CTNNA1: variants seen among roughly 807,000 people sequenced by gnomAD.
The protein encoded by CTNNA1 is catenin alpha 1, also known as catenin alpha-1.
CTNNA1 carries 37 observed loss-of-function variants against 98.4 expected under a neutral mutation model. The observed-to-expected ratio is 0.38, with a 90% CI of 0.29 to 0.49. The LOEUF (loss-of-function observed/expected upper bound fraction) is 0.49. CTNNA1 is among the 20% of genes least tolerant of loss of function. The probability of loss-of-function intolerance (pLI) is 0.95; values close to 1 mark genes in which losing one functional copy is unlikely to be tolerated. For synonymous variants in CTNNA1, 404 were observed against 413.2 expected, an observed-to-expected ratio of 0.98 and a Z score of 0.27; for missense variants, 761 against 1,147.2, an observed-to-expected ratio of 0.66 and a Z score of 4.86.
At chr5:138,787,558 A>C (rs1197879550) in intron 3 of CTNNA1, among the ~76,000 whole-genome samples, 1 of 152,246 alleles carries the variant, frequency 6.6e-6, no homozygotes, top group Admixed American at 6.5e-5. Context: ...TACAGGCTAT[A>C]GTTTGCTAAC....
intron 7 of CTNNA1, among the ~76,000 whole-genome samples, chr5:138,858,622 G>T (rs1264548461): frequency 2.0e-5 from 2 of 97,798 alleles, no homozygotes; most frequent in South Asian, 6.2e-4. Flanking sequence ...TTGAGACAGA[G>T]TCTTATTCTG....
At chr5:138,900,424 C>T (rs1757789743) in intron 9 of CTNNA1, among the ~76,000 whole-genome samples, 1 of 152,122 alleles carries the variant, frequency 6.6e-6, no homozygotes. Context: ...AAAAAGAAAT[C>T]TTATCTTGTC....
intron 7 of CTNNA1, among the ~76,000 whole-genome samples, chr5:138,857,840 A>G (rs1482187386): frequency 6.6e-6 from 1 of 152,244 alleles, no homozygotes; most frequent in Non-Finnish European, 1.5e-5. Flanking sequence ...GTTGAAATTA[A>G]TAGTATATTA....
rs977618881 is a variant in CTNNA1, at chr5:138,812,587, T to G, written c.588+285T>G. 2.0e-5 allele frequency among the ~76,000 whole-genome samples: 3 copies of G among 152,338 alleles called. No individual in the cohort carries two copies. The East Asian group carries it at 5.8e-4, about 29-fold the overall frequency. ...TGGAGAGGTAATAGGTCTTTGTGTA[T>G]TTAAGGATTAACCTGAATTAGTGGT... On this transcript the variant is annotated intron_variant, in intron 5 of 17. Coordinates refer to ENST00000302763, the MANE Select transcript of CTNNA1 (RefSeq NM_001903.5).
intron 3 of CTNNA1, among the ~76,000 whole-genome samples, chr5:138,802,941 G>A (rs1041474399): frequency 2.7e-5 from 4 of 149,622 alleles, no homozygotes; most frequent in African/African-American, 7.4e-5. Flanking sequence ...GGGATTACAG[G>A]CATGCACCGC....
chr5:138,917,702 C>T (rs1400279211), intron 10 of CTNNA1, 40 bp from the exon 11 acceptor site: 1 of 1,603,738 alleles, frequency 6.2e-7, no homozygotes. Context: ...AGCCATGACT[C>T]TGAAAAAGAG....
At chr5:138,885,073 T>C (rs1002976497) in intron 7 of CTNNA1, among the ~76,000 whole-genome samples, 22 of 152,182 alleles carry the variant, frequency 1.4e-4, no homozygotes, top group Non-Finnish European at 2.1e-4. Context: ...CTAAATAACC[T>C]ATATCCCTCA....
intron 10 of CTNNA1, among the ~76,000 whole-genome samples, chr5:138,910,801 GAGGA>G (rs1005256852): frequency 3.3e-5 from 5 of 152,166 alleles, no homozygotes; most frequent in Non-Finnish European, 5.9e-5. Flanking sequence ...CAAAAGCTTG[GAGGA>G]AGGAGATCAG....
intron 13 of CTNNA1, among the ~76,000 whole-genome samples, chr5:138,927,914 A>G (rs1350759322): frequency 6.6e-6 from 1 of 152,092 alleles, no homozygotes; most frequent in African/African-American, 2.4e-5. Context: ...CAGTGCTGGC[A>G]TTGTGTTTTG....
chr5:138,822,132 A>G (rs1373139032), intron 5 of CTNNA1, among the ~76,000 whole-genome samples: 3 of 152,328 alleles, frequency 2.0e-5, no homozygotes, highest in Middle Eastern at 3.4e-3. Flanking sequence ...ATACACTGTG[A>G]TAAGGGCAAG....
chr5:138,884,800 C>T (rs139830513), intron 7 of CTNNA1, among the ~76,000 whole-genome samples: 156 of 152,194 alleles, frequency 1.0e-3, no homozygotes, highest in Non-Finnish European at 1.8e-3. Context: ...AGAAGGGGGT[C>T]CATTCAGTTG....
intron 1 of CTNNA1, among the ~76,000 whole-genome samples, chr5:138,761,479 C>T (rs1828186): frequency 1.3e-5 from 2 of 152,088 alleles, no homozygotes; most frequent in African/African-American, 2.4e-5. Context: ...TCAAATGATC[C>T]GTCCGCCTCC....
intron 5 of CTNNA1, among the ~76,000 whole-genome samples, chr5:138,813,797 T>C (rs529972098): frequency 2.4e-4 from 37 of 152,138 alleles, no homozygotes; most frequent in South Asian, 1.7e-3. Flanking sequence ...TTTTGTACTT[T>C]TTGTAGATAC....
chr5:138,766,829 GTCTCGTCACT>G (rs1752989379), intron 1 of CTNNA1, among the ~76,000 whole-genome samples: 1 of 152,128 alleles, frequency 6.6e-6, no homozygotes, highest in South Asian at 2.1e-4. Context: ...GTGAAGGCAT[GTCTCGTCACT>G]TCCCACCTTC....
At chr5:138,915,344 G>C (rs1218176610) in intron 10 of CTNNA1, among the ~76,000 whole-genome samples, 1 of 151,992 alleles carries the variant, frequency 6.6e-6, no homozygotes, top group Non-Finnish European at 1.5e-5. Flanking sequence ...ACATATGAAC[G>C]GTACCTGACA....
At chr5:138,863,780 A>G (rs1418291835) in intron 7 of CTNNA1, among the ~76,000 whole-genome samples, 3 of 152,158 alleles carry the variant, frequency 2.0e-5, no homozygotes, top group Non-Finnish European at 2.9e-5. Flanking sequence ...CCACCTCCCA[A>G]AGAATTTGGA....
At chr5:138,861,111 G>A (rs931499202) in intron 7 of CTNNA1, among the ~76,000 whole-genome samples, 62 of 151,720 alleles carry the variant, frequency 4.1e-4, no homozygotes, top group Non-Finnish European at 5.9e-5. Flanking sequence ...CCTTTCAGCT[G>A]TCAGGTTCAG....
At chr5:138,823,814 G>A (rs377590470) in intron 5 of CTNNA1, among the ~76,000 whole-genome samples, 12 of 150,756 alleles carry the variant, frequency 8.0e-5, no homozygotes, top group East Asian at 7.7e-4. Context: ...AAAATTAGCC[G>A]GGCGTAGTGG....
chr5:138,823,188 T>C (rs915580936), intron 5 of CTNNA1, among the ~76,000 whole-genome samples: 1 of 152,224 alleles, frequency 6.6e-6, no homozygotes, highest in Non-Finnish European at 1.5e-5. Flanking sequence ...TTTTCCCTTC[T>C]GAGTATTGTG....
Sources: allele counts gnomAD v4.1 joint callset (sites outside exome capture counted in the v4.1 genomes callset), GRCh38; gene constraint gnomAD v4.1.1; transcripts MANE v1.5; gene names NCBI Gene and HGNC (gene_info 2026-07-23, HGNC 2026-07-21).